Variants in LARP4B observed in about 807,000 individuals in gnomAD.
LARP4B encodes la-related protein 4B.
A neutral mutation model predicts 89.8 loss-of-function variants in LARP4B; 12 were observed. The ratio of observed to expected loss-of-function variants is 0.13; its 90% CI spans 0.09 to 0.22. LARP4B has a LOEUF of 0.22. LARP4B is among the 10% of genes least tolerant of loss of function. LARP4B has a pLI of 1.00. For synonymous variants in LARP4B, 367 were observed against 363.3 expected, an observed-to-expected ratio of 1.01 and a Z score of -0.12; for missense variants, 757 against 947.7, an observed-to-expected ratio of 0.80 and a Z score of 2.64.
chr10:909,158 G>A (rs762253063), intron 1 of LARP4B, among the ~76,000 whole-genome samples: 1 of 152,106 alleles, frequency 6.6e-6, no homozygotes, highest in Non-Finnish European at 1.5e-5. Context: ...GCCGGGCATG[G>A]TGGTGGGCAC....
Position 829,533 on chromosome 10 carries a change from G to T in LARP4B, c.977C>A (p.Pro326His), listed in dbSNP as rs1364612839. The T allele has an allele frequency of 6.2e-7, 1 of 1,614,044 alleles. No individual in the cohort carries two copies. Among genetic ancestry groups the T allele is most frequent in the Non-Finnish European group, 8.5e-7 (1 of 1,180,016 alleles). The change falls in exon 11 of 18, where the codon CCC (proline) becomes CAC (histidine). Residue 326 changes from proline (P) to histidine (H), a missense_variant. Physicochemically the swap from Pro to His is moderately conservative, Grantham distance 77 (BLOSUM62 -2). This residue lies in a region of LARP4B where 137 missense variants were observed against 213.9 expected (regional missense o/e 0.64). Coordinates refer to ENST00000316157, the MANE Select transcript of LARP4B (RefSeq NM_015155.3). ...NTFLPKNGFR[P>H]LDVSLYAQQR... ...CTGGGCATACAGGCTCACGTCCAGG[G>T]GTCTAAATCCATTCTTTGGCAAAAA...
the LARP4B span, among the ~76,000 whole-genome samples, chr10:954,285 C>T: frequency 6.6e-6 from 1 of 152,124 alleles, no homozygotes; most frequent in East Asian, 1.9e-4. The surrounding 1 kb of genome is among the most constrained non-coding windows in gnomAD (Gnocchi z 5.0). Flanking sequence ...TCCACCAGCC[C>T]GTCTTTTATG....
chr10:984,295 A>T, the LARP4B span, among the ~76,000 whole-genome samples: 2 of 152,228 alleles, frequency 1.3e-5, no homozygotes, highest in Non-Finnish European at 2.9e-5. Flanking sequence ...CTGCCTGCAG[A>T]TATTTAGAAT....
At chr10:901,032 G>A (rs1836329239) in intron 1 of LARP4B, among the ~76,000 whole-genome samples, 1 of 149,910 alleles carries the variant, frequency 6.7e-6, no homozygotes, top group East Asian at 1.9e-4. Context: ...CGATTCTCCT[G>A]CTTCAGCCTC....
At chr10:950,439 T>A in the LARP4B span, among the ~76,000 whole-genome samples, 12 of 152,216 alleles carry the variant, frequency 7.9e-5, no homozygotes, top group African/African-American at 2.9e-4. Context: ...GTAGATTGAG[T>A]CCATCACTTT....
chr10:861,095 G>A (rs1834587372), intron 5 of LARP4B, among the ~76,000 whole-genome samples: 1 of 152,172 alleles, frequency 6.6e-6, no homozygotes, highest in Non-Finnish European at 1.5e-5. Flanking sequence ...GGCGGAGGTT[G>A]CAGTGAGCCG....
intron 3 of LARP4B, among the ~76,000 whole-genome samples, chr10:870,364 T>G (rs973941644): frequency 6.6e-6 from 1 of 152,114 alleles, no homozygotes; most frequent in Non-Finnish European, 1.5e-5. Flanking sequence ...CTTCTGTGAG[T>G]GATAAAATGT....
rs908152197 is a variant in LARP4B at position 809,944 on chromosome 10, C to T, written c.*2982G>A. The T allele has an allele frequency of 6.6e-6, 1 of 152,364 alleles. No individual in the cohort carries two copies. The highest frequency in any genetic ancestry group is 1.5e-5 in the Non-Finnish European group (1 of 68,054). The allele number at this position is 152,364 out of a possible 1,614,324, so 9.4% of individuals were successfully genotyped here. On this transcript the variant is annotated 3_prime_UTR_variant, in exon 18 of 18. Transcript: ENST00000316157. ...TTTACGGCCACCCGCCAGTGACAGCCGGTGATGTGATGACAGGAGGGCCTG... is the reference window on the plus strand; with the variant it reads ...TTTACGGCCACCCGCCAGTGACAGCTGGTGATGTGATGACAGGAGGGCCTG...
chr10:855,309 A>G (rs527795708), intron 5 of LARP4B, among the ~76,000 whole-genome samples: 4 of 152,344 alleles, frequency 2.6e-5, no homozygotes, highest in African/African-American at 9.6e-5. Flanking sequence ...TTTTCAGCCT[A>G]TCTCAGCCTT....
At chr10:953,692 G>A in the LARP4B span, among the ~76,000 whole-genome samples, 15 of 152,172 alleles carry the variant, frequency 9.9e-5, no homozygotes, top group Admixed American at 7.9e-4. Flanking sequence ...CCAGAACCAA[G>A]TGCATAACAG....
intron 7 of LARP4B, among the ~76,000 whole-genome samples, chr10:841,517 G>C (rs957030431): frequency 6.6e-6 from 1 of 152,234 alleles, no homozygotes; most frequent in Non-Finnish European, 1.5e-5. Flanking sequence ...CTCATGGTTG[G>C]TGGAAACGAC....
At chr10:958,877 G>A in the LARP4B span, among the ~76,000 whole-genome samples, 1 of 152,172 alleles carries the variant, frequency 6.6e-6, no homozygotes, top group African/African-American at 2.4e-5. Context: ...AGAGACTTCA[G>A]GTTGAACATG....
At chr10:878,002 G>C (rs1835523617) in intron 3 of LARP4B, among the ~76,000 whole-genome samples, 1 of 152,218 alleles carries the variant, frequency 6.6e-6, no homozygotes, top group South Asian at 2.1e-4. Flanking sequence ...GTGAGGCCGA[G>C]ACTGAGAAAG....
chr10:867,497 A>C (rs1834963197), intron 3 of LARP4B, among the ~76,000 whole-genome samples: 1 of 152,232 alleles, frequency 6.6e-6, no homozygotes, highest in African/African-American at 2.4e-5. Context: ...CAAAGATCTG[A>C]ATCTCCTACT....
intron 5 of LARP4B, among the ~76,000 whole-genome samples, chr10:863,412 G>T (rs1834728094): frequency 1.3e-5 from 2 of 151,270 alleles, no homozygotes; most frequent in South Asian, 2.1e-4. Context: ...TTTTTTTTTA[G>T]TAGAGACGGG....
upstream of LARP4B, among the ~76,000 whole-genome samples, chr10:933,540 A>C (rs765326259): frequency 2.8e-4 from 42 of 152,338 alleles, no homozygotes; most frequent in Non-Finnish European, 5.6e-4. Flanking sequence ...ACCTTGTTGC[A>C]TCCTAGCTTT....
At position 814,524 on chromosome 10, in the gene LARP4B, G is replaced by T; in HGVS notation, c.1929+218C>A. 1 of 957,720 alleles carries T rather than the reference G, an allele frequency of 1.0e-6. No individual in the cohort carries two copies. The highest frequency in any genetic ancestry group is 1.6e-6 in the Non-Finnish European group (1 of 633,088). 59.3% of individuals were successfully genotyped at this position (957,720 alleles called of 1,614,324 possible). Reference sequence around the variant, plus strand: ...CTATTGACCAACACTGAAATAAAAGGACTACATGGTGGTCTGAGAAAGAAC... The same window carrying T: ...CTATTGACCAACACTGAAATAAAAGTACTACATGGTGGTCTGAGAAAGAAC... On this transcript the variant is annotated intron_variant, in intron 17 of 17. Coordinates refer to ENST00000316157, the MANE Select transcript of LARP4B (RefSeq NM_015155.3). The surrounding 1 kb of genome is among the most constrained non-coding windows in gnomAD (Gnocchi z 4.4).
downstream of LARP4B, chr10:807,241 T>C (rs1050258474): frequency 6.6e-6 from 1 of 151,762 alleles, no homozygotes; most frequent in Non-Finnish European, 1.5e-5. Flanking sequence ...AGGACAGGGG[T>C]GAGGAACAGG....
Position 929,229 on chromosome 10 carries a change from AC to A in LARP4B, c.-40+2198del, listed in dbSNP as rs374685912. On this transcript the variant is annotated intron_variant, in intron 1 of 17. Transcript: ENST00000316157. Reference sequence around the variant, plus strand: ...TACATGTGTAAACAAGCCAAAAAAAACAAAACAAAAAAACAAAAACAAAAAC... The same window carrying A: ...TACATGTGTAAACAAGCCAAAAAAAAAAAACAAAAAAACAAAAACAAAAAC... 3.6e-3 allele frequency among the ~76,000 whole-genome samples: 555 copies of A among 152,058 alleles called. 3 individuals are homozygous for A. The highest frequency in any genetic ancestry group is 0.012 in the African/African-American group (510 of 41,310).
Sources: allele counts gnomAD v4.1 joint callset (sites outside exome capture counted in the v4.1 genomes callset), GRCh38; gene constraint gnomAD v4.1.1; regional missense constraint gnomAD v4.1.1; non-coding constraint Gnocchi (gnomAD v3.1); transcripts MANE v1.5; gene names NCBI Gene and HGNC (gene_info 2026-07-23, HGNC 2026-07-21).